Variants in GPC6 observed in about 807,000 individuals in gnomAD.
The protein encoded by GPC6 is glypican 6.
GPC6 carries 14 observed loss-of-function variants against 55.2 expected under a neutral mutation model. The ratio of observed to expected loss-of-function variants is 0.25; its 90% CI spans 0.17 to 0.40. GPC6 has a LOEUF of 0.40. Among genes scored for constraint, GPC6 ranks in the 10% least tolerant of loss-of-function variants. The pLI is 1.00. For missense variants in GPC6, 641 were observed against 708.5 expected (o/e 0.90, Z 1.08); for synonymous variants, 278 against 259.6 (o/e 1.07, Z -0.68).
At position 94,306,371 on chromosome 13, in the gene GPC6, C is replaced by T. The variant is rs1462692644; in HGVS notation, c.1152+248C>T. ...ATGTATGCAGTGACCACATTTTCAA[C>T]TTCTTATTTCTCATGAAATATTAAT... is the stretch of plus-strand genomic sequence containing the variant. On this transcript the variant is annotated intron_variant, in intron 6 of 8. Coordinates refer to ENST00000377047, the MANE Select transcript of GPC6 (RefSeq NM_005708.5). 33 of 532,594 alleles carry T rather than the reference C, an allele frequency of 6.2e-5. No individual in the cohort carries two copies. In the East Asian group the frequency reaches 9.1e-4, roughly 15 times the overall value. 33.0% of individuals were successfully genotyped at this position (532,594 alleles called of 1,614,324 possible). A position where few individuals can be genotyped will look rare whatever the true frequency, so the allele number is the denominator to read the frequency against.
intron 4 of GPC6, among the ~76,000 whole-genome samples, chr13:94,116,680 G>A (rs981225907): frequency 2.6e-5 from 4 of 152,006 alleles, no homozygotes; most frequent in Non-Finnish European, 4.4e-5. Context: ...TAGCGCTTAC[G>A]TTTGTATTCT....
intron 3 of GPC6, among the ~76,000 whole-genome samples, chr13:93,844,655 C>T: frequency 6.7e-6 from 1 of 148,216 alleles, no homozygotes; most frequent in Non-Finnish European, 1.5e-5. Flanking sequence ...TTAATTAGAT[C>T]CCATTTGTCA....
intron 2 of GPC6, among the ~76,000 whole-genome samples, chr13:93,619,046 T>C (rs2139553820): frequency 6.6e-6 from 1 of 152,298 alleles, no homozygotes; most frequent in Admixed American, 6.5e-5. Flanking sequence ...AATATTTGTG[T>C]ATCTAAAGAT....
At chr13:93,474,972 C>T (rs1204631947) in intron 1 of GPC6, among the ~76,000 whole-genome samples, 1 of 152,134 alleles carries the variant, frequency 6.6e-6, no homozygotes, top group African/African-American at 2.4e-5. Flanking sequence ...CATTGCAAGA[C>T]CCAGCCTCTA....
chr13:93,751,540 G>C (rs141366617), intron 2 of GPC6, among the ~76,000 whole-genome samples: 37 of 151,130 alleles, frequency 2.4e-4, no homozygotes, highest in Non-Finnish European at 5.0e-4. Context: ...TATTTTTATA[G>C]AGATGGGGTT....
At chr13:93,366,809 T>C (rs1375586426) in intron 1 of GPC6, among the ~76,000 whole-genome samples, 1 of 152,100 alleles carries the variant, frequency 6.6e-6, no homozygotes, top group African/African-American at 2.4e-5. Flanking sequence ...TTTCTGTCTC[T>C]CCTATGGTTT....
At chr13:93,857,983 G>A (rs927732698) in intron 3 of GPC6, among the ~76,000 whole-genome samples, 1 of 151,250 alleles carries the variant, frequency 6.6e-6, no homozygotes, top group Admixed American at 6.6e-5. Context: ...CTTTGAGAGT[G>A]GATAAATTGC....
At chr13:93,652,013 G>GATAACCACC (rs1364820574) in intron 2 of GPC6, among the ~76,000 whole-genome samples, 1 of 152,112 alleles carries the variant, frequency 6.6e-6, no homozygotes, top group South Asian at 2.1e-4. Context: ...GGAAAAACAA[G>GATAACCACC]ATAACCACCA....
At chr13:93,501,495 C>CAAAAAAAA (rs1880518896) in intron 1 of GPC6, among the ~76,000 whole-genome samples, 1 of 152,128 alleles carries the variant, frequency 6.6e-6, no homozygotes, top group South Asian at 2.1e-4. Flanking sequence ...TCAAAGTTGA[C>CAAAAAAAA]ATAAAAATGA....
At chr13:93,264,928 C>T (rs1206175718) in intron 1 of GPC6, among the ~76,000 whole-genome samples, 1 of 152,008 alleles carries the variant, frequency 6.6e-6, no homozygotes, top group Non-Finnish European at 1.5e-5. Context: ...ATGTGAATCC[C>T]TATATAGTAA....
chr13:94,344,264 C>T (rs1260750114), intron 6 of GPC6, among the ~76,000 whole-genome samples: 1 of 152,170 alleles, frequency 6.6e-6, no homozygotes, highest in Non-Finnish European at 1.5e-5. Context: ...CTCCTAGGCC[C>T]TGCCCTGTGT....
chr13:94,120,006 G>A (rs777157655), intron 4 of GPC6, among the ~76,000 whole-genome samples: 6 of 152,010 alleles, frequency 3.9e-5, no homozygotes, highest in Non-Finnish European at 5.9e-5. Context: ...ATAGTAAAGC[G>A]TAATAGGAAG....
At chr13:94,117,910 T>C (rs1192110591) in intron 4 of GPC6, among the ~76,000 whole-genome samples, 2 of 152,118 alleles carry the variant, frequency 1.3e-5, no homozygotes, top group East Asian at 3.9e-4. Context: ...AAAATTATTT[T>C]CCTGAGGACA....
At chr13:93,645,552 G>A (rs1031910030) in intron 2 of GPC6, among the ~76,000 whole-genome samples, 1 of 152,056 alleles carries the variant, frequency 6.6e-6, no homozygotes, top group Non-Finnish European at 1.5e-5. Flanking sequence ...CCTATGCAAG[G>A]CCCACGAAAC....
intron 3 of GPC6, among the ~76,000 whole-genome samples, chr13:93,846,706 C>T (rs946380628): frequency 2.0e-5 from 3 of 152,010 alleles, no homozygotes; most frequent in South Asian, 2.1e-4. Context: ...CCCAGCTACT[C>T]GGGAGACTGA....
At chr13:93,954,734 CA>C (rs1301593051) in intron 3 of GPC6, among the ~76,000 whole-genome samples, 1 of 152,128 alleles carries the variant, frequency 6.6e-6, no homozygotes, top group Non-Finnish European at 1.5e-5. Context: ...TCCCACTTGA[CA>C]AAGATTCTTC....
At chr13:93,999,549 A>T (rs59861342) in intron 3 of GPC6, among the ~76,000 whole-genome samples, 1,774 of 152,282 alleles carry the variant, frequency 0.012, 40 homozygotes, top group African/African-American at 0.039. Flanking sequence ...CACCGGTATT[A>T]GTCTTTTGTG....
chr13:94,085,995 G>C (rs1885268970), intron 4 of GPC6, among the ~76,000 whole-genome samples: 1 of 152,064 alleles, frequency 6.6e-6, no homozygotes. Context: ...TATCCCTTCT[G>C]TTCTGTAAAG....
chr13:93,918,363 A>T (rs1877396235), intron 3 of GPC6, among the ~76,000 whole-genome samples: 1 of 152,142 alleles, frequency 6.6e-6, no homozygotes, highest in Non-Finnish European at 1.5e-5. Context: ...TATTTTGTTC[A>T]GGATTTGATT....
Sources: gnomAD v4.1 joint callset for allele counts (sites outside exome capture counted in the v4.1 genomes callset) on GRCh38, gnomAD v4.1.1 for gene constraint, MANE v1.5 for transcripts, NCBI Gene and HGNC (gene_info 2026-07-23, HGNC 2026-07-21) for gene names.